ERCC4: variants seen among roughly 807,000 people sequenced by gnomAD.
ERCC4 encodes the protein ERCC excision repair 4, endonuclease catalytic subunit, also known as DNA repair endonuclease XPF.
A neutral mutation model predicts 76.9 loss-of-function variants in ERCC4; 65 were observed. That is an observed-to-expected ratio of 0.84 (90% CI 0.69 to 1.04). ERCC4 has a LOEUF of 1.04. Among genes scored for constraint, ERCC4 ranks in the 50% least tolerant of loss-of-function variants. The pLI, the probability that ERCC4 is intolerant of heterozygous loss-of-function variation, is 0.00. For synonymous variants in ERCC4, 463 were observed against 410.1 expected (o/e 1.13, Z -1.56); for missense variants, 1,214 against 1,128.2 (o/e 1.08, Z -1.09).
At chr16:13,926,846 T>C in intron 3 of ERCC4, 90 bp downstream of exon 3, 1 of 1,032,892 alleles carries the variant, frequency 9.7e-7, no homozygotes, top group Admixed American at 1.7e-5. Context: ...TTTGATGTAA[T>C]ATAATGTAAA....
chr16:13,930,580 T>C (rs2141948245), intron 4 of ERCC4, 130 bp from the exon 5 acceptor site: 2 of 686,312 alleles, frequency 2.9e-6, no homozygotes, highest in Non-Finnish European at 5.0e-6. Flanking sequence ...GTAAAATATA[T>C]ATGACATAAA....
intron 2 of ERCC4, among the ~76,000 whole-genome samples, chr16:13,923,976 G>A (rs145909251): frequency 2.0e-5 from 3 of 152,292 alleles, no homozygotes; most frequent in East Asian, 3.9e-4. Flanking sequence ...ATGCAACGTT[G>A]AAGTCTGGCT....
intron 9 of ERCC4, among the ~76,000 whole-genome samples, chr16:13,941,776 A>G (rs1040824923): frequency 2.0e-5 from 3 of 152,236 alleles, no homozygotes; most frequent in Non-Finnish European, 4.4e-5. Context: ...TTCAAAGGAA[A>G]GGGTAAGATT....
At chr16:13,922,336 A>C in intron 2 of ERCC4, 125 bp downstream of exon 2, 2 of 800,530 alleles carry the variant, frequency 2.5e-6, no homozygotes, top group Non-Finnish European at 2.2e-6. Flanking sequence ...AGCTCCCTAC[A>C]TCACCTTTGG....
chr16:13,942,849 C>G (rs996957625), intron 9 of ERCC4, among the ~76,000 whole-genome samples: 1 of 152,138 alleles, frequency 6.6e-6, no homozygotes, highest in Non-Finnish European at 1.5e-5. Context: ...CATAATAATA[C>G]CAAATGAATG....
chr16:13,942,961 G>A (rs1433592517), intron 9 of ERCC4, among the ~76,000 whole-genome samples: 1 of 152,198 alleles, frequency 6.6e-6, no homozygotes, highest in Non-Finnish European at 1.5e-5. Context: ...GGCAGCCAGA[G>A]CCATTGCCAT....
chr16:13,936,837 A>G (rs942845354), intron 8 of ERCC4, among the ~76,000 whole-genome samples: 1 of 152,226 alleles, frequency 6.6e-6, no homozygotes, highest in Non-Finnish European at 1.5e-5. Flanking sequence ...AGGTGAAGCA[A>G]AGGGACAGAG....
At position 13,926,185 on chromosome 16, in the gene ERCC4, C is replaced by T. The variant is rs1460414480; in HGVS notation, c.389-376C>T. On this transcript the variant is annotated intron_variant, in intron 2 of 10. Transcript: ENST00000311895. The stretch of plus-strand genomic sequence containing the variant: ...TTCCTCTGACATGCCAGAAACACCC[C>T]ACCCCAGGGCCTGTGCCCTCACTGT... Among the ~76,000 whole-genome samples the T allele has an allele frequency of 6.6e-6, 1 of 152,110 alleles. No individual in the cohort carries two copies. Among genetic ancestry groups the T allele is most frequent in the Admixed American group, 6.5e-5 (1 of 15,274 alleles).
intron 3 of ERCC4, 53 bp downstream of exon 3, chr16:13,926,809 G>T (rs2141945025): frequency 7.2e-7 from 1 of 1,391,976 alleles, no homozygotes; most frequent in Admixed American, 1.7e-5. Flanking sequence ...ATCTTTGTTT[G>T]TGAGATCTAC....
intron 9 of ERCC4, among the ~76,000 whole-genome samples, chr16:13,941,627 A>G (rs958012449): frequency 7.2e-5 from 11 of 152,222 alleles, no homozygotes; most frequent in African/African-American, 2.7e-4. Flanking sequence ...TAGATTATAG[A>G]TAACAGATAA....
chr16:13,940,119 C>T (rs2032384213), intron 9 of ERCC4, among the ~76,000 whole-genome samples: 1 of 152,212 alleles, frequency 6.6e-6, no homozygotes, highest in Non-Finnish European at 1.5e-5. Context: ...GATGCAGTGG[C>T]TCACGCCTGT....
chr16:13,947,845 G>A lies in ERCC4; in HGVS notation c.2249G>A (p.Arg750His), dbSNP rs748870665. The change falls in exon 11 of 11, where the codon CGC becomes CAC. Residue 750 changes from arginine (R) to histidine (H), a missense_variant. Transcript: ENST00000311895. ...TACAGCCAGTGCATCTCCATGTCCC[G>A]CTACTACAAGCGTCCCGTGCTTCTG... The part of the protein sequence containing the change: ...RLYSQCISMS[R>H]YYKRPVLLIE... 3.7e-6 allele frequency: 6 copies of A among 1,614,112 alleles called. No homozygotes were observed. The highest frequency in any genetic ancestry group is 2.5e-6 in the Non-Finnish European group (3 of 1,180,030).
At position 13,951,286 on chromosome 16, in the gene ERCC4, C is replaced by T. The variant is rs2032625727; in HGVS notation, c.*2939C>T. On this transcript the variant is annotated 3_prime_UTR_variant, in exon 11 of 11. Transcript: ENST00000311895. ...ACTTTTTTTCTCTCTAGTAAATATC[C>T]AGTGTACTTATGAACTCATGTTTGG... 1 of 189,982 alleles carries T rather than the reference C, an allele frequency of 5.3e-6. No individual in the cohort carries two copies. Among genetic ancestry groups the T allele is most frequent in the Admixed American group, 6.2e-5 (1 of 16,246 alleles). The allele number at this position is 189,982 out of a possible 1,614,324, so 11.8% of individuals were successfully genotyped here. A position where few individuals can be genotyped will look rare whatever the true frequency, so the allele number is the denominator to read the frequency against.
rs768243270 is a variant in ERCC4, at chr16:13,920,175, G to A, written c.10G>A (p.Gly4Arg). The A allele has an allele frequency of 1.2e-6, 2 of 1,605,536 alleles. No individual in the cohort carries two copies. The highest frequency in any genetic ancestry group is 1.1e-5 in the South Asian group (1 of 91,060). The change falls in exon 1 of 11, where the codon GGG becomes AGG. Residue 4 changes from glycine to arginine, a missense_variant. Coordinates refer to ENST00000311895, the MANE Select transcript of ERCC4 (RefSeq NM_005236.3). MESGQPARRIAMAP... is the reference protein window; with the variant it reads MESRQPARRIAMAP... ...ACCCGGAAGAGCTTCCATGGAGTCA[G>A]GGCAGCCGGCTCGACGGATTGCCAT...
At chr16:13,932,575 A>G (rs199667016) in intron 6 of ERCC4, 2 of 502,292 alleles carry the variant, frequency 4.0e-6, no homozygotes, top group East Asian at 6.6e-5. Flanking sequence ...ATGAGGAGCT[A>G]TATATTGATT....
At chr16:13,935,951 C>T (rs148060978) in intron 8 of ERCC4, among the ~76,000 whole-genome samples, 1 of 152,316 alleles carries the variant, frequency 6.6e-6, no homozygotes, top group Non-Finnish European at 1.5e-5. Context: ...GGGGACTGCT[C>T]TTGTTCTCGT....
At position 13,941,388 on chromosome 16, in the gene ERCC4, A is replaced by T. The variant is rs113363687; in HGVS notation, c.1905-3335A>T. Among the ~76,000 whole-genome samples the T allele has an allele frequency of 2.1e-4, 32 of 152,344 alleles. 1 individual carries two copies. Among genetic ancestry groups the T allele is most frequent in the African/African-American group, 7.2e-4 (30 of 41,584 alleles). ...TTTCCCAGGAAACTTGGGAAATTTG[A>T]GAGGTGCTTCTTTTGCAAAGCAAAA... On this transcript the variant is annotated intron_variant, in intron 9 of 10. Coordinates refer to ENST00000311895, the MANE Select transcript of ERCC4 (RefSeq NM_005236.3).
chr16:13,939,049 T>C (rs1251345012), intron 9 of ERCC4, among the ~76,000 whole-genome samples: 3 of 152,204 alleles, frequency 2.0e-5, no homozygotes, highest in Non-Finnish European at 4.4e-5. Context: ...TATGAAAATA[T>C]GTTTCCTACC....
chr16:13,935,013 A>C, intron 7 of ERCC4, 133 bp from the exon 8 acceptor site: 1 of 756,436 alleles, frequency 1.3e-6, no homozygotes, highest in Non-Finnish European at 2.4e-6. Context: ...CCCTTTTTAA[A>C]TAGTTTGTAA....
Sources: allele counts gnomAD v4.1 joint callset (sites outside exome capture counted in the v4.1 genomes callset), GRCh38; gene constraint gnomAD v4.1.1; transcripts MANE v1.5; gene names NCBI Gene and HGNC (gene_info 2026-07-23, HGNC 2026-07-21).